The following PAPPA variants were observed in gnomAD, a reference collection of about 807,000 sequenced individuals.
The protein encoded by PAPPA is pappalysin 1.
In PAPPA, 60 loss-of-function variants were observed where a neutral mutation model predicts 164.0. That is an observed-to-expected ratio of 0.37 (90% CI 0.30 to 0.45). PAPPA has a LOEUF of 0.45. Among genes scored for constraint, PAPPA ranks in the 20% least tolerant of loss-of-function variants. PAPPA has a pLI of 1.00. For missense variants in PAPPA, 1,782 were observed against 2,087.3 expected, an observed-to-expected ratio of 0.85 and a Z score of 2.85; for synonymous variants, 875 against 814.1, an observed-to-expected ratio of 1.07 and a Z score of -1.27.
rs145478731 is a variant in PAPPA, at chr9:116,163,527, T to G, written c.415+8940T>G. Reference sequence around the variant, plus strand: ...TCAGAACCAGTTTTCACATCTGAACTTTGTGGTACTGTAGGGATTATTTGC... The same window carrying G: ...TCAGAACCAGTTTTCACATCTGAACGTTGTGGTACTGTAGGGATTATTTGC... On this transcript the variant is annotated intron_variant, in intron 1 of 21. Transcript: ENST00000328252. 5.3e-5 allele frequency among the ~76,000 whole-genome samples: 8 copies of G among 152,328 alleles called. No homozygotes were observed. The East Asian group carries it at 1.4e-3, about 26-fold the overall frequency.
intron 2 of PAPPA, among the ~76,000 whole-genome samples, chr9:116,202,212 G>C (rs1010956063): frequency 2.6e-5 from 4 of 152,130 alleles, no homozygotes; most frequent in Non-Finnish European, 5.9e-5. Flanking sequence ...ATTTGTTGTT[G>C]TTGCTGTTGT....
rs1322811922 is a variant in PAPPA at position 116,372,116 on chromosome 9, T to C, written c.4605+4362T>C. The stretch of plus-strand genomic sequence containing the variant: ...ATGCACTTTTCAAAGTGATTAGAGG[T>C]ACAGAGAACTCTTCCTCTAATCTAA... On this transcript the variant is annotated intron_variant, in intron 19 of 21. Coordinates refer to ENST00000328252, the MANE Select transcript of PAPPA (RefSeq NM_002581.5). Among the ~76,000 whole-genome samples the C allele has an allele frequency of 2.0e-5, 3 of 152,138 alleles. No individual in the cohort carries two copies. The East Asian group carries it at 5.8e-4, about 29-fold the overall frequency.
chr9:116,227,339 C>A, intron 5 of PAPPA, 92 bp from the exon 6 acceptor site: 1 of 1,331,340 alleles, frequency 7.5e-7, no homozygotes, highest in Non-Finnish European at 1.1e-6. Context: ...TTTGTTGTGT[C>A]CTCTGCCCCA....
At chr9:116,337,623 A>G (rs1846078488) in intron 13 of PAPPA, among the ~76,000 whole-genome samples, 1 of 146,186 alleles carries the variant, frequency 6.8e-6, no homozygotes, top group South Asian at 2.2e-4. Flanking sequence ...TCCCTCCACA[A>G]CCTTTCCTCT....
intron 5 of PAPPA, among the ~76,000 whole-genome samples, chr9:116,221,829 C>A (rs1199314227): frequency 6.6e-6 from 1 of 152,198 alleles, no homozygotes; most frequent in African/African-American, 2.4e-5. Flanking sequence ...TAAATAGACA[C>A]TTCAAGACAC....
At chr9:116,171,351 G>C (rs762293828) in intron 1 of PAPPA, among the ~76,000 whole-genome samples, 1 of 152,054 alleles carries the variant, frequency 6.6e-6, no homozygotes, top group Non-Finnish European at 1.5e-5. Flanking sequence ...AAGCATTTTC[G>C]ACATCTACCT....
At chr9:116,235,065 G>T (rs1343124403) in intron 6 of PAPPA, 74 bp from the exon 7 acceptor site, 8 of 1,558,796 alleles carry the variant, frequency 5.1e-6, no homozygotes, top group Non-Finnish European at 6.2e-6. Flanking sequence ...TTTCTCCTGG[G>T]GTCCACAGGA....
At chr9:116,203,950 TG>T (rs1159968858) in intron 2 of PAPPA, among the ~76,000 whole-genome samples, 1 of 152,074 alleles carries the variant, frequency 6.6e-6, no homozygotes, top group African/African-American at 2.4e-5. Context: ...CTTGAGCGGT[TG>T]AGGTTGTAGA....
chr9:116,207,267 A>C (rs1036572056), intron 2 of PAPPA, among the ~76,000 whole-genome samples, 189 bp from the exon 3 acceptor site: 4 of 152,188 alleles, frequency 2.6e-5, no homozygotes, highest in Non-Finnish European at 5.9e-5. Flanking sequence ...AAAACTCTCG[A>C]GAACTTAATT....
chr9:116,197,475 C>A (rs1295229940), intron 2 of PAPPA, among the ~76,000 whole-genome samples: 3 of 152,206 alleles, frequency 2.0e-5, no homozygotes, highest in South Asian at 2.1e-4. Flanking sequence ...GATGGTACCC[C>A]ATACTGGGGC....
At chr9:116,322,895 T>C (rs1201502566) in intron 10 of PAPPA, among the ~76,000 whole-genome samples, 2 of 152,150 alleles carry the variant, frequency 1.3e-5, no homozygotes, top group Non-Finnish European at 2.9e-5. Flanking sequence ...TTTCCTATTT[T>C]CTTCTATAAG....
At chr9:116,278,631 C>T (rs1845229932) in intron 9 of PAPPA, among the ~76,000 whole-genome samples, 1 of 151,182 alleles carries the variant, frequency 6.6e-6, no homozygotes, top group East Asian at 1.9e-4. Context: ...AACAGATCAC[C>T]CTCCATTGAC....
chr9:116,368,152 T>C (rs1162967867), intron 19 of PAPPA, among the ~76,000 whole-genome samples: 2 of 152,176 alleles, frequency 1.3e-5, no homozygotes, highest in African/African-American at 4.8e-5. Flanking sequence ...ATGGCTTCTC[T>C]GGTGCCCTCC....
chr9:116,229,482 C>A (rs1458422999), intron 6 of PAPPA, among the ~76,000 whole-genome samples: 1 of 152,134 alleles, frequency 6.6e-6, no homozygotes, highest in South Asian at 2.1e-4. Context: ...GTTTATAAAG[C>A]GGAAACTACT....
Position 116,271,338 on chromosome 9 carries a change from C to T in PAPPA, c.2875C>T (p.Gln959Ter), listed in dbSNP as rs766617771. Residue 959 changes from glutamine (Q) to a stop codon, truncating the protein, a stop_gained, in exon 9 of 22, where the codon CAA becomes TAA. Coordinates refer to ENST00000328252, the MANE Select transcript of PAPPA (RefSeq NM_002581.5). LOFTEE classifies it high-confidence loss of function. The surrounding 1 kb of genome is among the most constrained non-coding windows in gnomAD (Gnocchi z 4.2). ...DGIIQKDQGE[Q>*]CDDMNKINGD... is the part of the protein sequence containing the mutation. ...TCTGCTCTGCAGAGACCAAGGTGAACAATGCGACGACATGAATAAGATCAA... is the reference window on the plus strand; with the variant it reads ...TCTGCTCTGCAGAGACCAAGGTGAATAATGCGACGACATGAATAAGATCAA... 1.2e-6 allele frequency: 2 copies of T among 1,613,638 alleles called. No individual in the cohort carries two copies. The highest frequency in any genetic ancestry group is 1.7e-6 in the Non-Finnish European group (2 of 1,179,546).
rs141178612 is a variant in PAPPA, at chr9:116,256,705, TAA to T, written c.2733-9151_2733-9150del. Among the ~76,000 whole-genome samples the T allele has an allele frequency of 4.5e-3, 677 of 152,102 alleles. 7 individuals are homozygous for T. Among genetic ancestry groups the T allele is most frequent in the African/African-American group, 0.015 (616 of 41,572 alleles). ...TGAAATAATATGACCTGAAAATATATAAGTCAATGACTTTTACCTAAAAAAAG... is the reference window on the plus strand; with the variant it reads ...TGAAATAATATGACCTGAAAATATATGTCAATGACTTTTACCTAAAAAAAG... On this transcript the variant is annotated intron_variant, in intron 7 of 21. Coordinates refer to ENST00000328252, the MANE Select transcript of PAPPA (RefSeq NM_002581.5).
intron 7 of PAPPA, among the ~76,000 whole-genome samples, chr9:116,245,856 A>G (rs1747694007): frequency 6.6e-6 from 1 of 152,182 alleles, no homozygotes; most frequent in African/African-American, 2.4e-5. Context: ...ATGTCTACTT[A>G]CAACATGGTA....
intron 1 of PAPPA, among the ~76,000 whole-genome samples, chr9:116,180,871 CT>C (rs1843896690): frequency 6.6e-6 from 1 of 152,094 alleles, no homozygotes; most frequent in Non-Finnish European, 1.5e-5. Flanking sequence ...TTTCCTACCC[CT>C]TAGTGCTGTG....
intron 13 of PAPPA, among the ~76,000 whole-genome samples, chr9:116,342,884 C>T (rs1237294092): frequency 1.3e-5 from 2 of 152,174 alleles, no homozygotes; most frequent in African/African-American, 4.8e-5. Context: ...CAGAATCAAC[C>T]TCTTTAAAGT....
Sources: allele counts gnomAD v4.1 joint callset (sites outside exome capture counted in the v4.1 genomes callset), GRCh38; gene constraint gnomAD v4.1.1; non-coding constraint Gnocchi (gnomAD v3.1); transcripts MANE v1.5; gene names NCBI Gene and HGNC (gene_info 2026-07-23, HGNC 2026-07-21).